Variants in CNTN5 observed in about 807,000 individuals in gnomAD.
The protein encoded by CNTN5 is contactin 5.
A neutral mutation model predicts 129.1 loss-of-function variants in CNTN5; 77 were observed. The observed-to-expected ratio is 0.60, with a 90% CI of 0.50 to 0.72. The LOEUF (loss-of-function observed/expected upper bound fraction) is 0.72, where lower values mean the gene tolerates loss of function less well. Ranked by LOEUF, CNTN5 falls within the 30% of genes least tolerant of loss-of-function variation. The pLI is 0.00. For synonymous variants in CNTN5, 509 were observed against 465.6 expected (o/e 1.09, Z -1.20); for missense variants, 1,478 against 1,328.8 (o/e 1.11, Z -1.75).
intron 8 of CNTN5, among the ~76,000 whole-genome samples, chr11:99,993,440 GC>G (rs1445558478): frequency 6.6e-6 from 1 of 152,106 alleles, no homozygotes; most frequent in Admixed American, 6.6e-5. Context: ...AACCATTTTG[GC>G]ACCAGGGATC....
At chr11:99,920,389 A>G (rs1346309813) in intron 7 of CNTN5, among the ~76,000 whole-genome samples, 2 of 152,122 alleles carry the variant, frequency 1.3e-5, no homozygotes, top group South Asian at 2.1e-4. Flanking sequence ...AAATATCTAA[A>G]TATCTAAAAT....
chr11:99,650,495 C>A (rs1286515929), intron 3 of CNTN5, among the ~76,000 whole-genome samples: 1 of 151,814 alleles, frequency 6.6e-6, no homozygotes, highest in Non-Finnish European at 1.5e-5. Context: ...CCAGATAGCA[C>A]CATAAGAACA....
chr11:99,394,604 T>C (rs560964885), intron 2 of CNTN5, among the ~76,000 whole-genome samples: 130 of 151,670 alleles, frequency 8.6e-4, no homozygotes, highest in Non-Finnish European at 1.1e-3. Context: ...AGGTAAACTT[T>C]TGTTATGGGG....
At chr11:99,813,396 C>T (rs1489671113) in intron 3 of CNTN5, among the ~76,000 whole-genome samples, 1 of 152,084 alleles carries the variant, frequency 6.6e-6, no homozygotes, top group African/African-American at 2.4e-5. Context: ...GTATGATTTA[C>T]CAAATGGTCT....
intron 7 of CNTN5, among the ~76,000 whole-genome samples, chr11:99,929,724 G>C (rs111278708): frequency 3.9e-5 from 6 of 152,258 alleles, no homozygotes; most frequent in African/African-American, 1.4e-4. Flanking sequence ...TCCTCCACTG[G>C]TTCCCTCCTA....
intron 4 of CNTN5, among the ~76,000 whole-genome samples, chr11:99,844,240 G>A (rs951769979): frequency 6.6e-6 from 1 of 152,026 alleles, no homozygotes; most frequent in African/African-American, 2.4e-5. Flanking sequence ...TGACTATTTA[G>A]TTGTATAAAG....
rs1232944941 is a variant in CNTN5, at chr11:99,706,416, T to C, written c.56-113128T>C. The stretch of plus-strand genomic sequence containing the variant: ...CATTTAAAATATTATCTAATAAGAA[T>C]TAAAAATTCATAGATGGTAGCTTAA... On this transcript the variant is annotated intron_variant, in intron 3 of 24. Transcript: ENST00000524871. 2.6e-5 allele frequency among the ~76,000 whole-genome samples: 4 copies of C among 151,562 alleles called. No individual in the cohort carries two copies. The Admixed American group carries it at 2.6e-4, about 10-fold the overall frequency.
intron 17 of CNTN5, among the ~76,000 whole-genome samples, chr11:100,263,003 T>C (rs1045221588): frequency 3.3e-5 from 5 of 152,174 alleles, no homozygotes; most frequent in African/African-American, 7.2e-5. Flanking sequence ...TCCAAGATGT[T>C]TGCATTATAG....
intron 1 of CNTN5, among the ~76,000 whole-genome samples, chr11:99,035,984 A>C (rs1183430421): frequency 1.3e-5 from 2 of 151,938 alleles, no homozygotes; most frequent in Non-Finnish European, 2.9e-5. Context: ...AAAATCTCTC[A>C]GCATTTGCTT....
At chr11:99,901,464 G>A (rs1949355119) in intron 6 of CNTN5, among the ~76,000 whole-genome samples, 1 of 151,738 alleles carries the variant, frequency 6.6e-6, no homozygotes, top group Admixed American at 6.6e-5. Context: ...CTAATTTTTT[G>A]TGTATTTTTA....
At chr11:99,644,207 G>A (rs1591411622) in intron 3 of CNTN5, among the ~76,000 whole-genome samples, 1 of 140,644 alleles carries the variant, frequency 7.1e-6, no homozygotes, top group Admixed American at 7.7e-5. Context: ...TCTTGGAGAG[G>A]AGTCAAATCA....
chr11:100,020,715 C>A (rs1029653931), intron 9 of CNTN5, among the ~76,000 whole-genome samples: 2 of 151,996 alleles, frequency 1.3e-5, no homozygotes. Context: ...AACCAATAAA[C>A]AAATTCAGTA....
chr11:100,023,796 A>T (rs1365491149), intron 9 of CNTN5, among the ~76,000 whole-genome samples: 1 of 152,024 alleles, frequency 6.6e-6, no homozygotes, highest in Non-Finnish European at 1.5e-5. Context: ...AAATTTAGTA[A>T]TGCACACTTA....
At position 99,489,947 on chromosome 11, in the gene CNTN5, C is replaced by T. The variant is rs1321897193; in HGVS notation, c.-70-66198C>T. 2.6e-5 allele frequency among the ~76,000 whole-genome samples: 4 copies of T among 152,138 alleles called. 1 individual carries two copies. The highest frequency in any genetic ancestry group is 9.7e-5 in the African/African-American group (4 of 41,432). The stretch of plus-strand genomic sequence containing the variant: ...TTTTGCATATTATGGGGGATTGAAA[C>T]AAGTGCCTTGATCTTAAATTTTAAT... On this transcript the variant is annotated intron_variant, in intron 2 of 24. Coordinates refer to ENST00000524871, the MANE Select transcript of CNTN5 (RefSeq NM_014361.4).
chr11:100,203,363 C>T (rs930356448), intron 15 of CNTN5, among the ~76,000 whole-genome samples: 1 of 151,974 alleles, frequency 6.6e-6, no homozygotes, highest in Non-Finnish European at 1.5e-5. Flanking sequence ...CAGTATGTTA[C>T]ATTGCTTTAA....
intron 13 of CNTN5, among the ~76,000 whole-genome samples, chr11:100,136,866 C>A (rs1209489965): frequency 6.6e-6 from 1 of 151,652 alleles, no homozygotes; most frequent in Non-Finnish European, 1.5e-5. Context: ...TTTTATTTCA[C>A]CTTTCTTATT....
intron 2 of CNTN5, among the ~76,000 whole-genome samples, chr11:99,555,334 T>A (rs956727950): frequency 6.6e-6 from 1 of 152,034 alleles, no homozygotes; most frequent in Non-Finnish European, 1.5e-5. Flanking sequence ...AGCTGACACG[T>A]GAAAATTCTG....
intron 14 of CNTN5, among the ~76,000 whole-genome samples, chr11:100,192,088 A>G (rs1291090964): frequency 6.6e-6 from 1 of 152,086 alleles, no homozygotes; most frequent in Middle Eastern, 3.2e-3. Flanking sequence ...AGAAGAGAGA[A>G]CATCAAGAAA....
rs144857417 is a variant in CNTN5 at position 99,372,396 on chromosome 11, T to C, written c.-71+46912T>C. Among the ~76,000 whole-genome samples, 1,148 of 152,326 alleles carry C rather than the reference T, an allele frequency of 7.5e-3. 4 individuals carry two copies. The highest frequency in any genetic ancestry group is 0.012 in the Non-Finnish European group (798 of 68,030). ...AAAATGAAACTACTGTTTTAGAGTG[T>C]AACACACATGTCACTGAATCACAAA... On this transcript the variant is annotated intron_variant, in intron 2 of 24. Coordinates refer to ENST00000524871, the MANE Select transcript of CNTN5 (RefSeq NM_014361.4).
Sources: gnomAD v4.1 joint callset for allele counts (sites outside exome capture counted in the v4.1 genomes callset) on GRCh38, gnomAD v4.1.1 for gene constraint, MANE v1.5 for transcripts, NCBI Gene and HGNC (gene_info 2026-07-23, HGNC 2026-07-21) for gene names.